The following MITF variants were observed in gnomAD, a reference collection of about 807,000 sequenced individuals.
MITF encodes microphthalmia-associated transcription factor.
Under a neutral mutation model 60.5 loss-of-function variants are expected in MITF, and 17 were observed. The observed-to-expected ratio is 0.28, with a 90% CI of 0.19 to 0.42. MITF has a LOEUF of 0.42. MITF is among the 10% of genes least tolerant of loss of function. The pLI is 1.00. For missense variants in MITF, 622 were observed against 683.5 expected (o/e 0.91, Z 1.00); for synonymous variants, 260 against 248.5 (o/e 1.05, Z -0.43).
chr3:69,743,762 A>G (rs1703619581), intron 1 of MITF, among the ~76,000 whole-genome samples: 2 of 152,238 alleles, frequency 1.3e-5, no homozygotes, highest in South Asian at 2.1e-4. Context: ...TCACATAGGC[A>G]TAGTCATGGC....
At chr3:69,807,150 T>C (rs1327996627) in intron 1 of MITF, among the ~76,000 whole-genome samples, 2 of 152,198 alleles carry the variant, frequency 1.3e-5, no homozygotes, top group Non-Finnish European at 2.9e-5. Context: ...TTAAGTTACA[T>C]GATTTCACCT....
intron 1 of MITF, among the ~76,000 whole-genome samples, chr3:69,775,365 C>T (rs1447089792): frequency 6.6e-6 from 1 of 152,148 alleles, no homozygotes; most frequent in Non-Finnish European, 1.5e-5. Context: ...TGAAATGTCT[C>T]TGCCTGTCTC....
chr3:69,896,744 A>G (rs2064884490), intron 2 of MITF, among the ~76,000 whole-genome samples: 1 of 152,186 alleles, frequency 6.6e-6, no homozygotes, highest in Admixed American at 6.5e-5. Context: ...CAGAGCTGTA[A>G]TTAAATGAAT....
chr3:69,756,471 T>G (rs1015877923), intron 1 of MITF, among the ~76,000 whole-genome samples: 4 of 152,206 alleles, frequency 2.6e-5, no homozygotes, highest in African/African-American at 9.7e-5. Flanking sequence ...ACTCATTTTT[T>G]TTTTATGGCT....
At chr3:69,756,223 A>G (rs1439982716) in intron 1 of MITF, among the ~76,000 whole-genome samples, 1 of 151,848 alleles carries the variant, frequency 6.6e-6, no homozygotes, top group African/African-American at 2.4e-5. Flanking sequence ...CTATCAACCC[A>G]TCATCTAGGT....
At chr3:69,757,983 A>C (rs1202104164) in intron 1 of MITF, among the ~76,000 whole-genome samples, 1 of 141,018 alleles carries the variant, frequency 7.1e-6, no homozygotes, top group Non-Finnish European at 1.5e-5. Flanking sequence ...AAGAACCTGG[A>C]GTTACCCTAG....
In MITF at chr3:69,968,044, G is replaced by A. The variant is rs2066733128; in HGVS notation, c.*2796G>A. 4.3e-6 allele frequency: 1 copy of A among 233,344 alleles called. No individual in the cohort carries two copies. Among genetic ancestry groups the A allele is most frequent in the Admixed American group, 5.6e-5 (1 of 17,762 alleles). 14.5% of individuals were successfully genotyped at this position (233,344 alleles called of 1,614,324 possible). On this transcript the variant is annotated 3_prime_UTR_variant, in exon 10 of 10. Transcript: ENST00000352241. ...GCAATAAGAACAAATACAATACATA[G>A]GAAGTTAAAAGCACAAAGGAATGAA...
intron 1 of MITF, among the ~76,000 whole-genome samples, chr3:69,764,734 C>A (rs140080645): frequency 2.6e-5 from 4 of 152,270 alleles, no homozygotes; most frequent in African/African-American, 9.6e-5. Flanking sequence ...CGACTCAAGG[C>A]CGTTACTGGT....
intron 1 of MITF, among the ~76,000 whole-genome samples, chr3:69,853,672 C>G (rs543546347): frequency 6.6e-6 from 1 of 152,104 alleles, no homozygotes; most frequent in African/African-American, 2.4e-5. Context: ...CTTTTAGAAT[C>G]GTTGACTACA....
chr3:69,967,525 AC>A lies in MITF; in HGVS notation c.*2279del, dbSNP rs1366618382. ...ACTAACCTACGGCCACGGGAACAGG[AC>A]CATGGTTAAGCAACCATATAGAAAG... On this transcript the variant is annotated 3_prime_UTR_variant, in exon 10 of 10. Transcript: ENST00000352241. 2 of 233,496 alleles carry A rather than the reference AC, an allele frequency of 8.6e-6. No homozygotes were observed. The highest frequency in any genetic ancestry group is 1.7e-5 in the Non-Finnish European group (2 of 117,944). 14.5% of individuals were successfully genotyped at this position (233,496 alleles called of 1,614,324 possible).
chr3:69,907,456 A>C (rs78012824), intron 2 of MITF, among the ~76,000 whole-genome samples: 2,327 of 152,324 alleles, frequency 0.015, 28 homozygotes, highest in Middle Eastern at 0.051. Flanking sequence ...ATGAACAAAC[A>C]ACTCTTTCTT....
chr3:69,776,574 A>G (rs2062476913), intron 1 of MITF, among the ~76,000 whole-genome samples: 1 of 152,198 alleles, frequency 6.6e-6, no homozygotes, highest in African/African-American at 2.4e-5. Flanking sequence ...GGTTCATGGT[A>G]AGTGCTATAT....
intron 3 of MITF, 133 bp from the exon 4 acceptor site, chr3:69,938,965 C>A: frequency 6.5e-7 from 1 of 1,534,850 alleles, no homozygotes; most frequent in South Asian, 1.2e-5. Flanking sequence ...ATTATTTCAT[C>A]TTTTGGTCAG....
chr3:69,917,351 A>C (rs2065357701), intron 2 of MITF, among the ~76,000 whole-genome samples: 1 of 143,350 alleles, frequency 7.0e-6, no homozygotes, highest in African/African-American at 2.6e-5. Flanking sequence ...AAATATGATG[A>C]TATTTGACTT....
rs1256272752 is a variant in MITF, at chr3:69,965,988, A to C, written c.*740A>C. On this transcript the variant is annotated 3_prime_UTR_variant, in exon 10 of 10. Coordinates refer to ENST00000352241, the MANE Select transcript of MITF (RefSeq NM_001354604.2). Reference sequence around the variant, plus strand: ...CAATGAGTGTGATCCAGTTTTTCATAAGATATTTTATTTTGAAATGGAAAT... The same window carrying C: ...CAATGAGTGTGATCCAGTTTTTCATCAGATATTTTATTTTGAAATGGAAAT... 1.3e-5 allele frequency: 3 copies of C among 231,968 alleles called. No individual in the cohort carries two copies. Among genetic ancestry groups the C allele is most frequent in the Non-Finnish European group, 2.6e-5 (3 of 117,414 alleles). The allele number at this position is 231,968 out of a possible 1,614,324, so 14.4% of individuals were successfully genotyped here.
chr3:69,923,287 A>C (rs550122756), intron 2 of MITF, among the ~76,000 whole-genome samples: 1 of 152,220 alleles, frequency 6.6e-6, no homozygotes, highest in African/African-American at 2.4e-5. Flanking sequence ...GGATTAAATA[A>C]GTGAATCCAT....
intron 1 of MITF, among the ~76,000 whole-genome samples, chr3:69,821,115 G>A (rs1575765232): frequency 1.3e-5 from 2 of 152,134 alleles, no homozygotes; most frequent in East Asian, 3.8e-4. Context: ...CTTTGATTCT[G>A]TTTGTCACAT....
chr3:69,902,986 T>C (rs1291886083), intron 2 of MITF, among the ~76,000 whole-genome samples: 1 of 152,174 alleles, frequency 6.6e-6, no homozygotes, highest in Admixed American at 6.5e-5. Flanking sequence ...TTCTATCGTG[T>C]TTTATTATTT....
intron 1 of MITF, among the ~76,000 whole-genome samples, chr3:69,816,915 G>A (rs1291121276): frequency 6.6e-6 from 1 of 152,152 alleles, no homozygotes; most frequent in East Asian, 1.9e-4. Context: ...CAAAGTGAAA[G>A]TGCTGCAAGT....
Sources: gnomAD v4.1 joint callset for allele counts (sites outside exome capture counted in the v4.1 genomes callset) on GRCh38, gnomAD v4.1.1 for gene constraint, MANE v1.5 for transcripts, NCBI Gene and HGNC (gene_info 2026-07-23, HGNC 2026-07-21) for gene names.